The following ZNF667 variants were observed in gnomAD, a reference collection of about 807,000 sequenced individuals.
ZNF667 encodes myocardial ischemic preconditioning upregulated 1 ortholog.
ZNF667 carries 13 observed loss-of-function variants against 31.8 expected under a neutral mutation model. That is an observed-to-expected ratio of 0.41 (90% CI 0.27 to 0.65). The LOEUF (loss-of-function observed/expected upper bound fraction) is 0.65. Among genes scored for constraint, ZNF667 ranks in the 30% least tolerant of loss-of-function variants. The pLI is 0.32. For synonymous variants in ZNF667, 228 were observed against 247.1 expected, an observed-to-expected ratio of 0.92 and a Z score of 0.73; for missense variants, 642 against 725.6, an observed-to-expected ratio of 0.88 and a Z score of 1.32.
chr19:56,457,850 G>T (rs770740655), intron 6 of ZNF667, among the ~76,000 whole-genome samples: 1 of 152,168 alleles, frequency 6.6e-6, no homozygotes, highest in Non-Finnish European at 1.5e-5. Flanking sequence ...GCCTTTGGGA[G>T]GTGTTTAAGT....
rs755672342 is a variant in ZNF667, at chr19:56,441,269, T to A, written c.1726A>T (p.Ser576Cys). The A allele has an allele frequency of 6.8e-6, 11 of 1,614,048 alleles. No homozygotes were observed. Among genetic ancestry groups the A allele is most frequent in the Non-Finnish European group, 9.3e-6 (11 of 1,179,996 alleles). Residue 576 changes from serine (S) to cysteine (C), a missense_variant, in exon 7 of 7, where the codon AGT becomes TGT. Physicochemically the swap from Ser to Cys is moderately radical, Grantham distance 112. Coordinates refer to ENST00000504904, the MANE Select transcript of ZNF667 (RefSeq NM_001321356.2). This position sits in a 1 kb window ranked among gnomAD's most constrained non-coding sequence, Gnocchi z 4.2. ...SGSDLIRHQRSHSSEKPYECS... is the reference protein window; with the variant it reads ...SGSDLIRHQRCHSSEKPYECS... ...TCATAGGGTTTCTCTGAAGAATGAC[T>A]TCTCTGATGTCGAATAAGGTCTGAG...
chr19:56,441,402 T>C lies in ZNF667; in HGVS notation c.1593A>G (p.Thr531=). ...TGCGCTGACTAAAGGCCTTACCACA[T>C]GTTTTGCATGTATATGGCTTCTCTC... ...HTGEKPYTCK[T]CGKAFSQRTS... The change falls in exon 7 of 7, where the codon ACA becomes ACG. Residue 531 remains threonine, a synonymous_variant. Transcript: ENST00000504904. The surrounding 1 kb of genome is among the most constrained non-coding windows in gnomAD (Gnocchi z 4.2). 5.0e-6 allele frequency: 8 copies of C among 1,614,070 alleles called. No individual in the cohort carries two copies. Among genetic ancestry groups the C allele is most frequent in the Non-Finnish European group, 6.8e-6 (8 of 1,179,942 alleles).
intron 6 of ZNF667, among the ~76,000 whole-genome samples, chr19:56,453,849 AGAG>A (rs1208780357): frequency 6.6e-6 from 1 of 152,236 alleles, no homozygotes; most frequent in Non-Finnish European, 1.5e-5. Context: ...TAGAGCAATC[AGAG>A]AAGAGAAAGA....
chr19:56,463,038 G>C (rs1483140347), intron 3 of ZNF667, among the ~76,000 whole-genome samples: 1 of 152,132 alleles, frequency 6.6e-6, no homozygotes, highest in Non-Finnish European at 1.5e-5. Flanking sequence ...GGCTAGGTGT[G>C]AGGAGAGCAA....
intron 6 of ZNF667, among the ~76,000 whole-genome samples, chr19:56,444,513 T>C (rs991257878): frequency 1.4e-5 from 2 of 148,066 alleles, no homozygotes; most frequent in Non-Finnish European, 3.0e-5. Context: ...AATTTCAACA[T>C]GAGATTTGGT....
intron 3 of ZNF667, among the ~76,000 whole-genome samples, chr19:56,471,231 A>G (rs1239597552): frequency 6.6e-6 from 1 of 152,014 alleles, no homozygotes; most frequent in East Asian, 1.9e-4. Context: ...CATGAGTAAA[A>G]GTTTCCTGAT....
At chr19:56,467,527 G>C (rs2043189023) in intron 3 of ZNF667, among the ~76,000 whole-genome samples, 1 of 152,112 alleles carries the variant, frequency 6.6e-6, no homozygotes, top group Non-Finnish European at 1.5e-5. Flanking sequence ...CTGACACTAT[G>C]TTCCTGGGGA....
chr19:56,446,988 C>T (rs907913767), intron 6 of ZNF667, among the ~76,000 whole-genome samples: 1 of 152,022 alleles, frequency 6.6e-6, no homozygotes, highest in African/African-American at 2.4e-5. Context: ...ATCCTTAAAC[C>T]ACACCAGACA....
At chr19:56,455,757 TGA>T (rs766534057) in intron 6 of ZNF667, among the ~76,000 whole-genome samples, 3 of 152,292 alleles carry the variant, frequency 2.0e-5, no homozygotes, top group African/African-American at 4.8e-5. Flanking sequence ...TTAGAACAAC[TGA>T]GAGAGTACAA....
At chr19:56,454,947 T>C (rs118135851) in intron 6 of ZNF667, among the ~76,000 whole-genome samples, 3,275 of 151,916 alleles carry the variant, frequency 0.022, 55 homozygotes, top group Non-Finnish European at 0.032. Flanking sequence ...TTGATAACCA[T>C]AGAATACATA....
chr19:56,442,141 T>C lies in ZNF667; in HGVS notation c.854A>G (p.Lys285Arg). Residue 285 changes from lysine to arginine, a missense_variant, in exon 7 of 7, where the codon AAA (lysine) becomes AGA (arginine). Transcript: ENST00000504904. ...HNGKKTHKYN[K>R]CGRGFKKKSV... Reference sequence around the variant, plus strand: ...TTTCTTTTTGAAGCCTCTCCCACATTTATTATATTTATGTGTTTTCTTTCC... The same window carrying C: ...TTTCTTTTTGAAGCCTCTCCCACATCTATTATATTTATGTGTTTTCTTTCC... 6.2e-7 allele frequency: 1 copy of C among 1,613,192 alleles called. No homozygotes were observed. The highest frequency in any genetic ancestry group is 2.2e-5 in the East Asian group (1 of 44,862).
Position 56,473,564 on chromosome 19 carries a change from CT to C in ZNF667, c.-549+447del, listed in dbSNP as rs1455732850. 6.6e-5 allele frequency among the ~76,000 whole-genome samples: 10 copies of C among 152,260 alleles called. No individual in the cohort carries two copies. The East Asian group carries it at 1.7e-3, about 26-fold the overall frequency. ...TCCTAACTGGGGGTAATTTTGCCCC[CT>C]ATGGGAAAACTGCAATGTCTGAGGC... On this transcript the variant is annotated intron_variant, in intron 2 of 6. Coordinates refer to ENST00000504904, the MANE Select transcript of ZNF667 (RefSeq NM_001321356.2).
chr19:56,469,837 C>T (rs1371034240), intron 3 of ZNF667: 2 of 431,178 alleles, frequency 4.6e-6, no homozygotes, highest in Non-Finnish European at 9.4e-6. Flanking sequence ...TAAGTGTTTG[C>T]TAACTGAATG....
intron 5 of ZNF667, 50 bp from the exon 6 acceptor site, chr19:56,458,297 A>T: frequency 6.5e-7 from 1 of 1,533,090 alleles, no homozygotes; most frequent in Non-Finnish European, 9.0e-7. Flanking sequence ...GGCACCACAG[A>T]AGTCAGAGCC....
At chr19:56,475,777 C>T (rs1277671720) in intron 1 of ZNF667, 1 of 152,176 alleles carries the variant, frequency 6.6e-6, no homozygotes, top group South Asian at 2.1e-4. Context: ...ACCCCATGGG[C>T]TCCCTAGGGA....
intron 6 of ZNF667, chr19:56,449,193 A>C (rs750764549): frequency 5.3e-6 from 2 of 375,536 alleles, no homozygotes; most frequent in Non-Finnish European, 5.2e-6. Flanking sequence ...TGGAAGGACT[A>C]GTACAAACAA....
At chr19:56,446,358 A>G (rs1473471720) in intron 6 of ZNF667, among the ~76,000 whole-genome samples, 3 of 152,212 alleles carry the variant, frequency 2.0e-5, no homozygotes, top group Non-Finnish European at 2.9e-5. Context: ...AAAAGCTGAG[A>G]ACCAAAGTCT....
chr19:56,440,474 G>T lies in ZNF667; in HGVS notation c.*688C>A. 1.7e-6 allele frequency: 1 copy of T among 600,434 alleles called. No homozygotes were observed. The highest frequency in any genetic ancestry group is 2.1e-6 in the Non-Finnish European group (1 of 478,354). 37.2% of individuals were successfully genotyped at this position (600,434 alleles called of 1,614,324 possible). ...TGAAAGTGGCACCCTGTTTTGCCGA[G>T]AAGTTCCTTATATTTGATAATTCTA... On this transcript the variant is annotated 3_prime_UTR_variant, in exon 7 of 7. Coordinates refer to ENST00000504904, the MANE Select transcript of ZNF667 (RefSeq NM_001321356.2).
intron 3 of ZNF667, among the ~76,000 whole-genome samples, chr19:56,464,319 C>T (rs1037429647): frequency 1.3e-5 from 2 of 152,102 alleles, no homozygotes; most frequent in Non-Finnish European, 1.5e-5. Flanking sequence ...TGTAGTGAGA[C>T]CCTGTCTCTA....
Sources: allele counts gnomAD v4.1 joint callset (sites outside exome capture counted in the v4.1 genomes callset), GRCh38; gene constraint gnomAD v4.1.1; non-coding constraint Gnocchi (gnomAD v3.1); transcripts MANE v1.5; gene names NCBI Gene and HGNC (gene_info 2026-07-23, HGNC 2026-07-21).